Variants in RNF38 observed in about 807,000 individuals in gnomAD.
The protein encoded by RNF38 is ring finger protein 38, also known as E3 ubiquitin-protein ligase RNF38.
RNF38 carries 15 observed loss-of-function variants against 67.2 expected under a neutral mutation model. The observed-to-expected ratio is 0.22, with a 90% CI of 0.15 to 0.34. RNF38 has a LOEUF of 0.34. Ranked by LOEUF, RNF38 falls within the 10% of genes least tolerant of loss-of-function variation. The probability of loss-of-function intolerance (pLI) is 1.00; values close to 1 mark genes in which losing one functional copy is unlikely to be tolerated. For missense variants in RNF38, 524 were observed against 639.9 expected (o/e 0.82, Z 1.95); for synonymous variants, 220 against 218.8 (o/e 1.01, Z -0.05).
chr9:36,454,425 A>T (rs1284270388), intron 1 of RNF38, among the ~76,000 whole-genome samples: 1 of 151,852 alleles, frequency 6.6e-6, no homozygotes, highest in Non-Finnish European at 1.5e-5. Flanking sequence ...CACCACGCCC[A>T]GCCTCTATCA....
At chr9:36,433,322 AC>A (rs569786020) in intron 1 of RNF38, among the ~76,000 whole-genome samples, 2,080 of 150,794 alleles carry the variant, frequency 0.014, 27 homozygotes, top group South Asian at 0.022. Flanking sequence ...GGTGATGGAT[AC>A]CCCCCCCTTA....
At chr9:36,470,327 A>G (rs959250539) in intron 1 of RNF38, among the ~76,000 whole-genome samples, 1 of 152,290 alleles carries the variant, frequency 6.6e-6, no homozygotes, top group East Asian at 1.9e-4. Flanking sequence ...CATAAGCCCC[A>G]ATCCATAATG....
At chr9:36,470,025 G>A (rs1341700257) in intron 1 of RNF38, among the ~76,000 whole-genome samples, 3 of 152,094 alleles carry the variant, frequency 2.0e-5, no homozygotes, top group African/African-American at 7.2e-5. Context: ...AAGCCAGGAT[G>A]AGATGGATGG....
At chr9:36,477,401 C>T (rs2134437468) in intron 1 of RNF38, among the ~76,000 whole-genome samples, 1 of 152,032 alleles carries the variant, frequency 6.6e-6, no homozygotes, top group Non-Finnish European at 1.5e-5. Context: ...ACAGGCTGGG[C>T]ATGGTCACTC....
chr9:36,446,528 C>A (rs1420753779), intron 1 of RNF38, among the ~76,000 whole-genome samples: 1 of 152,104 alleles, frequency 6.6e-6, no homozygotes, highest in Non-Finnish European at 1.5e-5. Context: ...CACATCGGCC[C>A]AGGCGCAGTG....
chr9:36,419,895 G>C lies in RNF38; in HGVS notation n.312+4718C>G, dbSNP rs953574047. Among the ~76,000 whole-genome samples, 4 of 152,180 alleles carry C rather than the reference G, an allele frequency of 2.6e-5. No homozygotes were observed. In the South Asian group the frequency reaches 8.3e-4, roughly 32 times the overall value. ...TAGGGATGACTTGGCAAGGAGCCTG[G>C]AATAACAAATAGTCATGAATCAGAA... On this transcript the variant is annotated intron_variant and non_coding_transcript_variant, in intron 2 of 3. Transcript: ENST00000488058.
intron 1 of RNF38, among the ~76,000 whole-genome samples, chr9:36,449,959 T>C (rs966369316): frequency 1.3e-5 from 2 of 152,204 alleles, no homozygotes; most frequent in Non-Finnish European, 2.9e-5. Context: ...ATACATAGTA[T>C]TGACAAACAT....
Position 36,337,403 on chromosome 9 carries a change from C to G in RNF38, c.*2349G>C, listed in dbSNP as rs1563985936. 3 of 152,792 alleles carry G rather than the reference C, an allele frequency of 2.0e-5. No individual in the cohort carries two copies. The highest frequency in any genetic ancestry group is 4.4e-5 in the Non-Finnish European group (3 of 68,036). 9.5% of individuals were successfully genotyped at this position (152,792 alleles called of 1,614,324 possible). A position where few individuals can be genotyped will look rare whatever the true frequency, so the allele number is the denominator to read the frequency against. ...GCCTCCTAAATTGCCAATTGCCTCTCAAAAACTTACAGAAAAAGGGACATT... is the reference window on the plus strand; with the variant it reads ...GCCTCCTAAATTGCCAATTGCCTCTGAAAAACTTACAGAAAAAGGGACATT... On this transcript the variant is annotated 3_prime_UTR_variant, in exon 12 of 12. Transcript: ENST00000259605.
At chr9:36,386,925 CTT>C (rs1745486775) in intron 2 of RNF38, among the ~76,000 whole-genome samples, 2 of 152,208 alleles carry the variant, frequency 1.3e-5, no homozygotes, top group African/African-American at 2.4e-5. Context: ...GTCTCAGCCT[CTT>C]GAGTAGCTGG....
rs184750320 is a variant in RNF38 at position 36,376,780 on chromosome 9, G to T, written c.163-653C>A. On this transcript the variant is annotated intron_variant, in intron 2 of 11. Coordinates refer to ENST00000259605, the MANE Select transcript of RNF38 (RefSeq NM_022781.5). Reference sequence around the variant, plus strand: ...GTCTCTACTAAAAACACAAAAATTAGCTGGGCGTGGTGGCACATGCCTGTA... The same window carrying T: ...GTCTCTACTAAAAACACAAAAATTATCTGGGCGTGGTGGCACATGCCTGTA... 1.1e-4 allele frequency among the ~76,000 whole-genome samples: 17 copies of T among 152,138 alleles called. No individual in the cohort carries two copies. The East Asian group carries it at 2.1e-3, about 19-fold the overall frequency.
chr9:36,355,201 T>TA (rs1834009301), intron 6 of RNF38, among the ~76,000 whole-genome samples: 1 of 152,202 alleles, frequency 6.6e-6, no homozygotes, highest in Non-Finnish European at 1.5e-5. Context: ...TAGAAATCCT[T>TA]AGTAAACAAT....
In RNF38 at chr9:36,373,640, G is replaced by T. The variant is rs567124827; in HGVS notation, c.356+2294C>A. ...AGACAGAGTCTCACCCTGTCCCCCA[G>T]GCTGGAGTGCAGTGGCGCGATCTCA... On this transcript the variant is annotated intron_variant, in intron 3 of 11. Coordinates refer to ENST00000259605, the MANE Select transcript of RNF38 (RefSeq NM_022781.5). 2.7e-5 allele frequency among the ~76,000 whole-genome samples: 4 copies of T among 150,238 alleles called. No homozygotes were observed. In the South Asian group the frequency reaches 6.3e-4, roughly 24 times the overall value.
At chr9:36,459,726 CTATTTTCACT>C (rs1839681820) in intron 1 of RNF38, among the ~76,000 whole-genome samples, 2 of 152,110 alleles carry the variant, frequency 1.3e-5, no homozygotes, top group Non-Finnish European at 2.9e-5. Context: ...CCACTAAATA[CTATTTTCACT>C]TCAGAGACTT....
chr9:36,340,563 G>A (rs1001798451), intron 11 of RNF38, among the ~76,000 whole-genome samples: 1 of 152,050 alleles, frequency 6.6e-6, no homozygotes, highest in African/African-American at 2.4e-5. Context: ...TTAAAAGACG[G>A]GTTTCACTAA....
At position 36,391,915 on chromosome 9, in the gene RNF38, T is replaced by C. The variant is rs560390378; in HGVS notation, c.13-1299A>G. Among the ~76,000 whole-genome samples the C allele has an allele frequency of 2.9e-4, 44 of 152,284 alleles. 1 individual carries two copies. The South Asian group carries it at 8.9e-3, about 31-fold the overall frequency. On this transcript the variant is annotated intron_variant, in intron 1 of 11. Coordinates refer to ENST00000259605, the MANE Select transcript of RNF38 (RefSeq NM_022781.5). Reference sequence around the variant, plus strand: ...GGCGTGAGCCACTGCGCCCGGCCCGTTTCCTACTTTCAAAAAGTATATGCT... The same window carrying C: ...GGCGTGAGCCACTGCGCCCGGCCCGCTTCCTACTTTCAAAAAGTATATGCT...
At chr9:36,479,290 T>C (rs889221518) in intron 1 of RNF38, among the ~76,000 whole-genome samples, 4 of 152,220 alleles carry the variant, frequency 2.6e-5, no homozygotes, top group Admixed American at 2.6e-4. Flanking sequence ...CTTTGTATAA[T>C]GGTGGAGGGA....
intron 9 of RNF38, among the ~76,000 whole-genome samples, chr9:36,347,852 G>A (rs1029763128): frequency 2.0e-5 from 3 of 151,554 alleles, no homozygotes; most frequent in Non-Finnish European, 2.9e-5. Context: ...CTGAGCGGGT[G>A]GATCATGAGA....
chr9:36,429,966 T>G (rs543503216), intron 1 of RNF38, among the ~76,000 whole-genome samples: 31 of 152,190 alleles, frequency 2.0e-4, no homozygotes, highest in Non-Finnish European at 3.2e-4. Context: ...AACTATAATA[T>G]ACTTTATATG....
chr9:36,358,880 G>A (rs754097143), intron 4 of RNF38, among the ~76,000 whole-genome samples: 4 of 152,240 alleles, frequency 2.6e-5, no homozygotes, highest in African/African-American at 4.8e-5. Context: ...GAGTGGTGGC[G>A]GGTGCCTGTA....
Sources: gnomAD v4.1 joint callset for allele counts (sites outside exome capture counted in the v4.1 genomes callset) on GRCh38, gnomAD v4.1.1 for gene constraint, MANE v1.5 for transcripts, NCBI Gene and HGNC (gene_info 2026-07-23, HGNC 2026-07-21) for gene names.